Variants in ATF7IP observed in about 807,000 individuals in gnomAD.
The protein encoded by ATF7IP is activating transcription factor 7 interacting protein.
A neutral mutation model predicts 106.4 loss-of-function variants in ATF7IP; 23 were observed. The ratio of observed to expected loss-of-function variants is 0.22; its 90% CI spans 0.16 to 0.31. The LOEUF (loss-of-function observed/expected upper bound fraction) is 0.31, where lower values mean the gene tolerates loss of function less well. Ranked by LOEUF, ATF7IP falls within the 10% of genes least tolerant of loss-of-function variation. The probability of loss-of-function intolerance (pLI) is 1.00; values close to 1 mark genes in which losing one functional copy is unlikely to be tolerated. For missense variants in ATF7IP, 1,334 were observed against 1,524.3 expected, an observed-to-expected ratio of 0.88 and a Z score of 2.08; for synonymous variants, 542 against 539.0, an observed-to-expected ratio of 1.01 and a Z score of -0.08.
Position 14,486,828 on chromosome 12 carries a change from G to A in ATF7IP, c.3280+5643G>A, listed in dbSNP as rs926362889. On this transcript the variant is annotated intron_variant, in intron 13 of 14. Coordinates refer to ENST00000261168, the MANE Select transcript of ATF7IP (RefSeq NM_018179.5). ...TTAAATTTTGTAGTTCAGTGACTAA[G>A]GTTCCCACCGTTAGATCTGACATAC... is the stretch of plus-strand genomic sequence containing the variant. Among the ~76,000 whole-genome samples, 3 of 150,410 alleles carry A rather than the reference G, an allele frequency of 2.0e-5. No individual in the cohort carries two copies. In the East Asian group the frequency reaches 5.8e-4, roughly 29 times the overall value.
At chr12:14,457,072 G>C in intron 7 of ATF7IP, 135 bp from the exon 8 acceptor site, 1 of 700,938 alleles carries the variant, frequency 1.4e-6, no homozygotes, top group South Asian at 1.7e-5. Context: ...CACTGTTTTT[G>C]CTTGCAGTTT....
chr12:14,447,226 C>T (rs1943007148), intron 6 of ATF7IP, among the ~76,000 whole-genome samples, 173 bp downstream of exon 6: 1 of 151,084 alleles, frequency 6.6e-6, no homozygotes, highest in African/African-American at 2.4e-5. Flanking sequence ...CTTTCAAATC[C>T]TCATTTACTA....
At chr12:14,393,744 A>G (rs1939697592) in intron 1 of ATF7IP, among the ~76,000 whole-genome samples, 1 of 152,212 alleles carries the variant, frequency 6.6e-6, no homozygotes, top group Admixed American at 6.5e-5. Context: ...ATGCGGGACT[A>G]AACTAGTTTC....
intron 1 of ATF7IP, among the ~76,000 whole-genome samples, chr12:14,368,648 C>G (rs537183182): frequency 6.6e-6 from 1 of 152,132 alleles, no homozygotes; most frequent in African/African-American, 2.4e-5. Flanking sequence ...ATATTCAATA[C>G]CACCATCAAT....
At chr12:14,443,515 T>C (rs1306570222) in intron 5 of ATF7IP, among the ~76,000 whole-genome samples, 1 of 152,256 alleles carries the variant, frequency 6.6e-6, no homozygotes. Context: ...TCTCAGTACA[T>C]GCCAAATCAG....
rs1945084832 is a variant in ATF7IP at position 14,498,785 on chromosome 12, CCCTTGCAG to C, written c.*717_*724del. On this transcript the variant is annotated 3_prime_UTR_variant, in exon 15 of 15. Coordinates refer to ENST00000261168, the MANE Select transcript of ATF7IP (RefSeq NM_018179.5). Reference sequence around the variant, plus strand: ...CATATGTCCGTTGTTGCTTAGTCTTCCCTTGCAGCCTTTTACCCTTGATTTCTCCTTCA... The same window carrying C: ...CATATGTCCGTTGTTGCTTAGTCTTCCCTTTTACCCTTGATTTCTCCTTCA... 6.6e-6 allele frequency: 1 copy of C among 152,542 alleles called. No individual in the cohort carries two copies. Among genetic ancestry groups the C allele is most frequent in the South Asian group, 2.1e-4 (1 of 4,834 alleles). The allele number at this position is 152,542 out of a possible 1,614,324, so 9.4% of individuals were successfully genotyped here. A position where few individuals can be genotyped will look rare whatever the true frequency, so the allele number is the denominator to read the frequency against.
intron 8 of ATF7IP, among the ~76,000 whole-genome samples, chr12:14,459,890 C>G (rs986352131): frequency 3.3e-5 from 5 of 152,190 alleles, no homozygotes; most frequent in African/African-American, 1.2e-4. Context: ...CATCTGTCAT[C>G]TTCGCTCAGT....
intron 13 of ATF7IP, among the ~76,000 whole-genome samples, chr12:14,495,874 A>T (rs1210345993): frequency 2.0e-5 from 3 of 152,096 alleles, no homozygotes; most frequent in Non-Finnish European, 4.4e-5. Flanking sequence ...ATTTTTGTTC[A>T]TAGTTCTCCT....
At chr12:14,434,179 G>A (rs1023990717) in intron 2 of ATF7IP, among the ~76,000 whole-genome samples, 158 bp from the exon 3 acceptor site, 2 of 152,260 alleles carry the variant, frequency 1.3e-5, no homozygotes, top group East Asian at 1.9e-4. Flanking sequence ...CATTCGATCA[G>A]TTCCTGCTCC....
chr12:14,460,255 C>T (rs1370794772), intron 8 of ATF7IP, among the ~76,000 whole-genome samples: 7 of 152,048 alleles, frequency 4.6e-5, no homozygotes, highest in African/African-American at 1.7e-4. Context: ...AGTAGTCTTG[C>T]ATATTAATCA....
At chr12:14,492,633 T>C (rs374418990) in intron 13 of ATF7IP, among the ~76,000 whole-genome samples, 1 of 152,178 alleles carries the variant, frequency 6.6e-6, no homozygotes, top group East Asian at 1.9e-4. Context: ...GTTTCATCTT[T>C]AGGAATATTG....
At chr12:14,459,256 G>A (rs767333989) in intron 8 of ATF7IP, among the ~76,000 whole-genome samples, 1 of 152,194 alleles carries the variant, frequency 6.6e-6, no homozygotes, top group Non-Finnish European at 1.5e-5. Context: ...AAGACTGCTA[G>A]TTGAGTTTAC....
At chr12:14,430,381 A>G (rs1942057181) in intron 2 of ATF7IP, among the ~76,000 whole-genome samples, 1 of 152,174 alleles carries the variant, frequency 6.6e-6, no homozygotes, top group Non-Finnish European at 1.5e-5. Context: ...GGTTTCAGAG[A>G]GAATGGGAGG....
At position 14,397,054 on chromosome 12, in the gene ATF7IP, T is replaced by G. The variant is rs564283374; in HGVS notation, c.-7-26855T>G. On this transcript the variant is annotated intron_variant, in intron 1 of 14. Coordinates refer to ENST00000261168, the MANE Select transcript of ATF7IP (RefSeq NM_018179.5). Reference sequence around the variant, plus strand: ...GCGCACGCCTGTCATTCCAGCTACTTGGGAGGCTGAGGCAGGAGAATTGCT... The same window carrying G: ...GCGCACGCCTGTCATTCCAGCTACTGGGGAGGCTGAGGCAGGAGAATTGCT... Among the ~76,000 whole-genome samples the G allele has an allele frequency of 2.5e-3, 377 of 152,108 alleles. 2 individuals are homozygous for G. The highest frequency in any genetic ancestry group is 3.8e-3 in the Non-Finnish European group (257 of 67,982).
At position 14,455,876 on chromosome 12, in the gene ATF7IP, A is replaced by G. The variant is rs564460944; in HGVS notation, c.1996-685A>G. ...CGTGCTAGTATTACGGGTGTGAGCC[A>G]CTGTGCCCAGCCTCGTTTTAAGAGA... is the stretch of plus-strand genomic sequence containing the variant. On this transcript the variant is annotated intron_variant, in intron 6 of 14. Coordinates refer to ENST00000261168, the MANE Select transcript of ATF7IP (RefSeq NM_018179.5). 2.0e-5 allele frequency among the ~76,000 whole-genome samples: 3 copies of G among 152,284 alleles called. No individual in the cohort carries two copies. The South Asian group carries it at 6.2e-4, about 32-fold the overall frequency.
At position 14,461,122 on chromosome 12, in the gene ATF7IP, C is replaced by T. The variant is rs377586677; in HGVS notation, c.2786C>T (p.Thr929Ile). Residue 929 changes from threonine to isoleucine, a missense_variant, in exon 9 of 15, where the codon ACC (threonine) becomes ATC (isoleucine). Around this residue, in one of 10 missense-constraint regions of ATF7IP, gnomAD observed 370 missense variants for 401.2 expected, o/e 0.92. Transcript: ENST00000261168. ...GCTGCAGAACAGAACAGCAATACCA[C>T]CCCAAGAATTGGTAAGTCACCATGT... ...SSAAEQNSNT[T>I]PRIENQTNKT... 3.2e-5 allele frequency: 52 copies of T among 1,610,418 alleles called. No individual in the cohort carries two copies. The African/African-American group carries it at 6.3e-4, about 19-fold the overall frequency.
intron 9 of ATF7IP, 174 bp from the exon 10 acceptor site, chr12:14,466,352 T>C: frequency 1.6e-6 from 1 of 617,228 alleles, no homozygotes; most frequent in Non-Finnish European, 2.9e-6. Flanking sequence ...TAGTAATCTG[T>C]ATGGTATCTG....
At chr12:14,427,860 G>C (rs1232158164) in intron 2 of ATF7IP, among the ~76,000 whole-genome samples, 1 of 152,060 alleles carries the variant, frequency 6.6e-6, no homozygotes, top group Non-Finnish European at 1.5e-5. Flanking sequence ...GGCCAAAACG[G>C]TGCCTGGCAC....
chr12:14,484,386 T>G (rs1246302964), intron 13 of ATF7IP, among the ~76,000 whole-genome samples: 1 of 152,206 alleles, frequency 6.6e-6, no homozygotes, highest in Non-Finnish European at 1.5e-5. Context: ...GGTCACCCGT[T>G]GGTGAGCACT....
Sources: gnomAD v4.1 joint callset for allele counts (sites outside exome capture counted in the v4.1 genomes callset) on GRCh38, gnomAD v4.1.1 for gene constraint, gnomAD v4.1.1 regional missense constraint, MANE v1.5 for transcripts, NCBI Gene and HGNC (gene_info 2026-07-23, HGNC 2026-07-21) for gene names.